BLVRB: variants seen among roughly 807,000 people sequenced by gnomAD.
The protein encoded by BLVRB is flavin reductase (NADPH).
BLVRB carries 25 observed loss-of-function variants against 21.1 expected under a neutral mutation model. That is an observed-to-expected ratio of 1.19 (90% CI 0.86 to 1.66). The LOEUF (loss-of-function observed/expected upper bound fraction) is 1.66. BLVRB is among the 40% of genes most tolerant of loss of function. The pLI is 0.00. For synonymous variants in BLVRB, 128 were observed against 122.2 expected, an observed-to-expected ratio of 1.05 and a Z score of -0.31; for missense variants, 274 against 282.7, an observed-to-expected ratio of 0.97 and a Z score of 0.22.
Position 40,465,675 on chromosome 19 carries a change from T to C in BLVRB, c.14A>G (p.Lys5Arg), listed in dbSNP as rs1216949023. Residue 5 changes from lysine to arginine, a missense_variant, in exon 1 of 5, where the codon AAG (lysine) becomes AGG (arginine). Lys to Arg is a conservative substitution (Grantham distance 26). Coordinates refer to ENST00000263368, the MANE Select transcript of BLVRB (RefSeq NM_000713.3). Reference sequence around the variant, plus strand: ...GCCAGTGGCGCCGAAGATCGCGATCTTCTTGACGGCCATCGTACGGGATCG... The same window carrying C: ...GCCAGTGGCGCCGAAGATCGCGATCCTCTTGACGGCCATCGTACGGGATCG... MAVK[K>R]IAIFGATGQT... The C allele has an allele frequency of 1.9e-6, 3 of 1,612,860 alleles. No homozygotes were observed. Among genetic ancestry groups the C allele is most frequent in the Non-Finnish European group, 2.5e-6 (3 of 1,179,796 alleles).
chr19:40,456,959 AT>A (rs978532750), intron 3 of BLVRB, among the ~76,000 whole-genome samples: 2 of 152,012 alleles, frequency 1.3e-5, no homozygotes, highest in Admixed American at 6.6e-5. Context: ...CAAAACTAAA[AT>A]TAACAGCAGA....
chr19:40,459,485 T>C (rs1254704058), intron 1 of BLVRB, among the ~76,000 whole-genome samples: 2 of 151,036 alleles, frequency 1.3e-5, no homozygotes, highest in African/African-American at 4.8e-5. Flanking sequence ...TCTCACTCTG[T>C]AACCCAGGCT....
At chr19:40,454,180 C>T (rs966276270) in intron 3 of BLVRB, among the ~76,000 whole-genome samples, 2 of 152,038 alleles carry the variant, frequency 1.3e-5, no homozygotes, top group Non-Finnish European at 2.9e-5. Flanking sequence ...GAGGCGGTAG[C>T]GAGCTATGAT....
chr19:40,458,114 AC>A (rs1568739243), intron 3 of BLVRB, 40 bp downstream of exon 3: 1 of 1,586,574 alleles, frequency 6.3e-7, no homozygotes, highest in Non-Finnish European at 8.6e-7. Context: ...CCTCCCCAGT[AC>A]CCCCCAGTTC....
intron 1 of BLVRB, among the ~76,000 whole-genome samples, chr19:40,460,893 AC>A (rs1365607061): frequency 2.8e-4 from 42 of 152,208 alleles, no homozygotes; most frequent in African/African-American, 9.9e-4. Flanking sequence ...AATCGCTTGA[AC>A]CCAGGAGGTA....
At chr19:40,450,184 C>T (rs2079732773) in intron 4 of BLVRB, 1 of 88,372 alleles carries the variant, frequency 1.1e-5, no homozygotes, top group Non-Finnish European at 2.0e-5. Context: ...GGCGGCAGAG[C>T]AAGACTCTGT....
intron 1 of BLVRB, among the ~76,000 whole-genome samples, chr19:40,462,485 A>G (rs2079792059): frequency 6.6e-6 from 1 of 150,714 alleles, no homozygotes; most frequent in Admixed American, 6.6e-5. Context: ...TCACGGTGTT[A>G]GCCAGGGTGG....
intron 4 of BLVRB, among the ~76,000 whole-genome samples, chr19:40,450,884 A>ATCTATCTG (rs2079736744): frequency 6.6e-6 from 1 of 150,660 alleles, no homozygotes; most frequent in African/African-American, 2.4e-5. Flanking sequence ...CTATCTATCT[A>ATCTATCTG]TCTATCTAAT....
intron 1 of BLVRB, among the ~76,000 whole-genome samples, chr19:40,463,142 G>A (rs2079795675): frequency 1.3e-5 from 2 of 152,116 alleles, no homozygotes; most frequent in Admixed American, 1.3e-4. Context: ...AACCCTGCAA[G>A]GTAGGTATCA....
chr19:40,456,612 C>G (rs1437345774), intron 3 of BLVRB, among the ~76,000 whole-genome samples: 2 of 151,958 alleles, frequency 1.3e-5, no homozygotes, highest in African/African-American at 4.8e-5. Flanking sequence ...AGAGTCTGGA[C>G]GTGGTGGCTT....
At chr19:40,451,526 T>C in intron 3 of BLVRB, 34 bp from the exon 4 acceptor site, 2 of 1,476,630 alleles carry the variant, frequency 1.4e-6, no homozygotes, top group Non-Finnish European at 1.8e-6. Flanking sequence ...CAGCCTGGGC[T>C]CTCTTGTCTT....
chr19:40,465,525 T>G, intron 1 of BLVRB, 85 bp downstream of exon 1: 1 of 1,512,524 alleles, frequency 6.6e-7, no homozygotes, highest in East Asian at 2.5e-5. Context: ...ATGGCCCCAA[T>G]CAGCCTCGGC....
At chr19:40,460,611 A>ATTAAAT (rs1555806420) in intron 1 of BLVRB, among the ~76,000 whole-genome samples, 4 of 149,470 alleles carry the variant, frequency 2.7e-5, no homozygotes, top group African/African-American at 7.4e-5. Flanking sequence ...AAATAAATAA[A>ATTAAAT]TAAATTAAAT....
At chr19:40,449,286 C>CCG (rs2079728549) in intron 4 of BLVRB, among the ~76,000 whole-genome samples, 1 of 151,800 alleles carries the variant, frequency 6.6e-6, no homozygotes, top group African/African-American at 2.4e-5. Context: ...TGCTCTGTCA[C>CCG]CCAGGCTGGA....
chr19:40,456,182 A>G (rs2079761500), intron 3 of BLVRB, among the ~76,000 whole-genome samples: 1 of 152,180 alleles, frequency 6.6e-6, no homozygotes, highest in African/African-American at 2.4e-5. Context: ...GGTCAGAAAA[A>G]AAACATTGTG....
At chr19:40,464,842 G>T (rs2079803681) in intron 1 of BLVRB, among the ~76,000 whole-genome samples, 1 of 152,170 alleles carries the variant, frequency 6.6e-6, no homozygotes, top group Non-Finnish European at 1.5e-5. Context: ...GGCCTGCAAG[G>T]GTGGGGCCCC....
intron 1 of BLVRB, 135 bp downstream of exon 1, chr19:40,465,475 C>T: frequency 9.1e-7 from 1 of 1,095,708 alleles, no homozygotes; most frequent in Non-Finnish European, 1.3e-6. Flanking sequence ...TGGCCACTTG[C>T]TTTGGCCCCT....
At chr19:40,458,064 G>T in intron 3 of BLVRB, 91 bp downstream of exon 3, 1 of 1,241,942 alleles carries the variant, frequency 8.1e-7, no homozygotes, top group Non-Finnish European at 1.2e-6. Flanking sequence ...ACAGTAACAT[G>T]GAATGGCTTC....
intron 4 of BLVRB, among the ~76,000 whole-genome samples, chr19:40,448,608 A>ATAACAACAACAAATATAT (rs1249673226): frequency 4.0e-5 from 5 of 126,374 alleles, no homozygotes; most frequent in South Asian, 5.5e-4. Flanking sequence ...AACAACAACA[A>ATAACAACAACAAATATAT]ATATATATAT....
Sources: gnomAD v4.1 joint callset for allele counts (sites outside exome capture counted in the v4.1 genomes callset) on GRCh38, gnomAD v4.1.1 for gene constraint, MANE v1.5 for transcripts, NCBI Gene and HGNC (gene_info 2026-07-23, HGNC 2026-07-21) for gene names.